Variants in RANBP9 observed in about 807,000 individuals in gnomAD.
The protein encoded by RANBP9 is RAN binding protein 9, also known as ran-binding protein 9.
RANBP9 carries 15 observed loss-of-function variants against 84.3 expected under a neutral mutation model. The ratio of observed to expected loss-of-function variants is 0.18; its 90% CI spans 0.12 to 0.27. RANBP9 has a LOEUF of 0.27. RANBP9 is among the 10% of genes least tolerant of loss of function. The pLI, the probability that RANBP9 is intolerant of heterozygous loss-of-function variation, is 1.00. For synonymous variants in RANBP9, 392 were observed against 349.6 expected, an observed-to-expected ratio of 1.12 and a Z score of -1.35; for missense variants, 809 against 912.8, an observed-to-expected ratio of 0.89 and a Z score of 1.46.
At chr6:13,676,917 G>A (rs1393755091) in intron 2 of RANBP9, among the ~76,000 whole-genome samples, 1 of 152,096 alleles carries the variant, frequency 6.6e-6, no homozygotes, top group Non-Finnish European at 1.5e-5. Context: ...ATACTTAATG[G>A]CTAAAACTAG....
chr6:13,633,936 G>T (rs1028077282), intron 11 of RANBP9, among the ~76,000 whole-genome samples: 1 of 60,510 alleles, frequency 1.7e-5, no homozygotes. Context: ...TAATTTTTTT[G>T]TTGGTGGTGG....
Position 13,686,106 on chromosome 6 carries a change from C to T in RANBP9, c.683+10679G>A, listed in dbSNP as rs1397309858. 7.2e-3 allele frequency among the ~76,000 whole-genome samples: 15 copies of T among 2,090 alleles called. 2 individuals carry two copies. The highest frequency in any genetic ancestry group is 0.028 in the African/African-American group (11 of 398). 1.4% of individuals were successfully genotyped at this position (2,090 alleles called of 152,430 possible). A position where few individuals can be genotyped will look rare whatever the true frequency, so the allele number is the denominator to read the frequency against. ...CTGAATTTCCAAAATTTCTTCCCCC[C>T]CCCCCCCCCGCCCCCCGAAATAGAG... On this transcript the variant is annotated intron_variant, in intron 2 of 13. Coordinates refer to ENST00000011619, the MANE Select transcript of RANBP9 (RefSeq NM_005493.3).
At position 13,634,569 on chromosome 6, in the gene RANBP9, A is replaced by C; in HGVS notation, c.1674-17T>G. The C allele has an allele frequency of 6.3e-7, 1 of 1,586,666 alleles. No homozygotes were observed. The highest frequency in any genetic ancestry group is 8.6e-7 in the Non-Finnish European group (1 of 1,161,016). On this transcript the variant is annotated splice_polypyrimidine_tract_variant and intron_variant, in intron 10 of 13. Coordinates refer to ENST00000011619, the MANE Select transcript of RANBP9 (RefSeq NM_005493.3). ...ACATCATTACTGAAAACGAAAAAAC[A>C]AACCTAATTTTAGAAATATCATACT...
At chr6:13,682,066 T>C (rs924668130) in intron 2 of RANBP9, among the ~76,000 whole-genome samples, 1 of 152,126 alleles carries the variant, frequency 6.6e-6, no homozygotes, top group African/African-American at 2.4e-5. Flanking sequence ...TTCGCCACAT[T>C]GGCCAGGCTG....
intron 4 of RANBP9, among the ~76,000 whole-genome samples, chr6:13,653,382 C>T (rs955144824): frequency 3.9e-5 from 6 of 152,096 alleles, no homozygotes; most frequent in Admixed American, 6.5e-5. Context: ...GACAATTTAA[C>T]GACCTCCTTT....
intron 4 of RANBP9, 54 bp from the exon 5 acceptor site, chr6:13,652,735 CT>C (rs1428930368): frequency 7.0e-6 from 10 of 1,420,572 alleles, no homozygotes; most frequent in Non-Finnish European, 9.7e-6. Flanking sequence ...GCAGACTATA[CT>C]GACAAGCTGA....
At chr6:13,630,843 AT>A (rs879343525) in intron 12 of RANBP9, among the ~76,000 whole-genome samples, 579 of 144,400 alleles carry the variant, frequency 4.0e-3, no homozygotes, top group African/African-American at 7.8e-3. Flanking sequence ...TCATTTTTCT[AT>A]TTTTTTTTTT....
intron 1 of RANBP9, among the ~76,000 whole-genome samples, chr6:13,707,157 G>A (rs2113373377): frequency 6.6e-6 from 1 of 152,160 alleles, no homozygotes; most frequent in East Asian, 1.9e-4. Context: ...CTAAGTGGCT[G>A]GGATTTCAAG....
chr6:13,635,795 T>A (rs893884984), intron 10 of RANBP9, among the ~76,000 whole-genome samples: 1 of 151,298 alleles, frequency 6.6e-6, no homozygotes, highest in African/African-American at 2.4e-5. Context: ...AGTGGCTTTT[T>A]AAAAAATACT....
intron 13 of RANBP9, among the ~76,000 whole-genome samples, chr6:13,624,984 A>G (rs933544646): frequency 6.6e-6 from 1 of 152,200 alleles, no homozygotes; most frequent in African/African-American, 2.4e-5. Flanking sequence ...TAGCTCAAGC[A>G]AAATGGTTGG....
chr6:13,702,818 A>G (rs1444904174), intron 1 of RANBP9, among the ~76,000 whole-genome samples: 1 of 151,946 alleles, frequency 6.6e-6, no homozygotes, highest in Admixed American at 6.6e-5. Context: ...TCTATTCACT[A>G]TCCTCTCTAC....
chr6:13,639,519 T>C (rs906106012), intron 9 of RANBP9, 44 bp downstream of exon 9: 1 of 1,538,948 alleles, frequency 6.5e-7, no homozygotes, highest in Non-Finnish European at 9.0e-7. Context: ...TTTAAGATTA[T>C]AAAGAGGAAA....
intron 4 of RANBP9, among the ~76,000 whole-genome samples, chr6:13,655,112 C>G (rs1765370382): frequency 6.6e-6 from 1 of 152,250 alleles, no homozygotes; most frequent in Admixed American, 6.5e-5. Context: ...GTTATACCAT[C>G]TCTCTATGTG....
At chr6:13,710,522 C>G (rs1481289004) in intron 1 of RANBP9, among the ~76,000 whole-genome samples, 1 of 152,114 alleles carries the variant, frequency 6.6e-6, no homozygotes, top group Non-Finnish European at 1.5e-5. Flanking sequence ...TCTCTTCCCC[C>G]CTTGTAAGAG....
chr6:13,696,797 T>C lies in RANBP9; in HGVS notation c.671A>G (p.Lys224Arg), dbSNP rs779689329. Residue 224 changes from lysine (K) to arginine (R), a missense_variant, in exon 2 of 14, where the codon AAG becomes AGG. Physicochemically the swap from Lys to Arg is conservative, Grantham distance 26 (BLOSUM62 2). This residue lies in a region of RANBP9 where 56 missense variants were observed against 88.2 expected (regional missense o/e 0.63). Coordinates refer to ENST00000011619, the MANE Select transcript of RANBP9 (RefSeq NM_005493.3). Reference protein sequence around the residue: ...IYYFEVKIVSKGRDGYMGIGL... With the variant: ...IYYFEVKIVSRGRDGYMGIGL... ...AAAATTTACTTACCCATCTCTTCCCTTACTGACAATTTTTACTTCAAAATA... is the reference window on the plus strand; with the variant it reads ...AAAATTTACTTACCCATCTCTTCCCCTACTGACAATTTTTACTTCAAAATA... 6.2e-7 allele frequency: 1 copy of C among 1,609,204 alleles called. No homozygotes were observed. The highest frequency in any genetic ancestry group is 8.5e-7 in the Non-Finnish European group (1 of 1,176,916).
intron 9 of RANBP9, 103 bp downstream of exon 9, chr6:13,639,460 G>T (rs1469188341): frequency 4.7e-6 from 6 of 1,272,794 alleles, no homozygotes; most frequent in Non-Finnish European, 6.5e-6. Context: ...TTACAAGCGT[G>T]AGCCACCGTG....
At chr6:13,692,872 A>C (rs977205057) in intron 2 of RANBP9, among the ~76,000 whole-genome samples, 7 of 152,188 alleles carry the variant, frequency 4.6e-5, no homozygotes, top group African/African-American at 1.7e-4. Context: ...CAAACAAAAA[A>C]ATAGTTTTCT....
intron 10 of RANBP9, among the ~76,000 whole-genome samples, chr6:13,635,166 G>C (rs187339181): frequency 2.7e-4 from 41 of 152,328 alleles, no homozygotes; most frequent in Non-Finnish European, 4.6e-4. Context: ...ACACGACAGA[G>C]AGTGAACTCA....
intron 2 of RANBP9, among the ~76,000 whole-genome samples, chr6:13,670,612 C>T (rs1046402885): frequency 4.0e-5 from 6 of 151,710 alleles, no homozygotes; most frequent in South Asian, 2.1e-4. Flanking sequence ...CTGGCTAACA[C>T]GGTGAAACCC....
Sources: allele counts gnomAD v4.1 joint callset (sites outside exome capture counted in the v4.1 genomes callset), GRCh38; gene constraint gnomAD v4.1.1; regional missense constraint gnomAD v4.1.1; transcripts MANE v1.5; gene names NCBI Gene and HGNC (gene_info 2026-07-23, HGNC 2026-07-21).